The following ASIC2 variants were observed in gnomAD, a reference collection of about 807,000 sequenced individuals.
ASIC2 encodes acid-sensing ion channel 2.
A neutral mutation model predicts 57.3 loss-of-function variants in ASIC2; 25 were observed. That is an observed-to-expected ratio of 0.44 (90% CI 0.32 to 0.61). The LOEUF is 0.61. Ranked by LOEUF, ASIC2 falls within the 20% of genes least tolerant of loss-of-function variation. ASIC2 has a pLI of 0.06. For missense variants in ASIC2, 641 were observed against 738.1 expected, an observed-to-expected ratio of 0.87 and a Z score of 1.52; for synonymous variants, 319 against 307.5, an observed-to-expected ratio of 1.04 and a Z score of -0.39.
chr17:33,484,033 A>C (rs1913499287), intron 1 of ASIC2, among the ~76,000 whole-genome samples: 1 of 152,192 alleles, frequency 6.6e-6, no homozygotes, highest in Admixed American at 6.5e-5. Flanking sequence ...GGCAACGGGG[A>C]GAAGCTGAAA....
chr17:33,483,012 G>A (rs1425013052), intron 1 of ASIC2, among the ~76,000 whole-genome samples: 1 of 152,216 alleles, frequency 6.6e-6, no homozygotes, highest in Non-Finnish European at 1.5e-5. Flanking sequence ...AGATGAATGA[G>A]GCGGAGAGAA....
At chr17:33,584,781 A>G (rs1904561607) in intron 1 of ASIC2, among the ~76,000 whole-genome samples, 1 of 152,070 alleles carries the variant, frequency 6.6e-6, no homozygotes, top group Non-Finnish European at 1.5e-5. Flanking sequence ...GACAGTTCGT[A>G]GGAGAAGGAT....
At chr17:33,960,162 T>C (rs566311345) in intron 1 of ASIC2, among the ~76,000 whole-genome samples, 5 of 152,326 alleles carry the variant, frequency 3.3e-5, no homozygotes, top group African/African-American at 1.2e-4. Flanking sequence ...GAAGTGTCAC[T>C]GTCTTTCTCG....
intron 1 of ASIC2, among the ~76,000 whole-genome samples, chr17:33,596,735 C>A (rs1360247448): frequency 6.6e-6 from 1 of 152,174 alleles, no homozygotes; most frequent in African/African-American, 2.4e-5. Flanking sequence ...TCCTCCATGT[C>A]AATATCAAAT....
intron 1 of ASIC2, among the ~76,000 whole-genome samples, chr17:33,586,807 C>T (rs1229464821): frequency 2.6e-5 from 4 of 152,184 alleles, no homozygotes; most frequent in Non-Finnish European, 4.4e-5. Context: ...CATCATGCTA[C>T]TTACATCCAG....
intron 1 of ASIC2, among the ~76,000 whole-genome samples, chr17:33,123,413 C>T (rs1282273525): frequency 6.6e-6 from 1 of 152,204 alleles, no homozygotes; most frequent in African/African-American, 2.4e-5. Flanking sequence ...AGAAATACCA[C>T]ATGATCTCAC....
chr17:33,513,722 C>G (rs1914489510), intron 1 of ASIC2, among the ~76,000 whole-genome samples: 1 of 152,232 alleles, frequency 6.6e-6, no homozygotes, highest in African/African-American at 2.4e-5. Flanking sequence ...TCCTGCCACT[C>G]AGGCTGTGAC....
At chr17:33,470,845 G>GTGCTCAGCAAAGATACGGTTTGGTCAC (rs1597740454) in intron 1 of ASIC2, among the ~76,000 whole-genome samples, 1 of 150,560 alleles carries the variant, frequency 6.6e-6, no homozygotes, top group Non-Finnish European at 1.5e-5. Context: ...GCTTCCACCT[G>GTGCTCAGCAAAGATACGGTTTGGTCAC]ACTCTACTTC....
intron 1 of ASIC2, among the ~76,000 whole-genome samples, chr17:34,134,840 T>C (rs1912084627): frequency 6.6e-6 from 1 of 152,218 alleles, no homozygotes; most frequent in Admixed American, 6.5e-5. Flanking sequence ...CACTCCTTAC[T>C]CTGAATCCTG....
chr17:33,324,710 T>G (rs528440069), intron 1 of ASIC2, among the ~76,000 whole-genome samples: 1 of 152,142 alleles, frequency 6.6e-6, no homozygotes, highest in African/African-American at 2.4e-5. Flanking sequence ...CTTCTCCCCA[T>G]TAAGAGAGGA....
intron 1 of ASIC2, among the ~76,000 whole-genome samples, chr17:33,249,506 G>C (rs933223056): frequency 6.6e-6 from 1 of 152,194 alleles, no homozygotes; most frequent in African/African-American, 2.4e-5. Context: ...GGAGGTTGGG[G>C]AGAAGAGGAG....
intron 1 of ASIC2, among the ~76,000 whole-genome samples, chr17:33,886,931 G>A (rs1914841823): frequency 6.9e-6 from 1 of 145,246 alleles, no homozygotes; most frequent in Admixed American, 6.8e-5. Context: ...GATACCAAAG[G>A]CAGAAAACAA....
At chr17:33,584,283 A>G (rs1904541565) in intron 1 of ASIC2, among the ~76,000 whole-genome samples, 1 of 152,172 alleles carries the variant, frequency 6.6e-6, no homozygotes, top group Admixed American at 6.5e-5. Context: ...GTTGTCAATG[A>G]TTACAGTTAG....
At chr17:33,215,795 G>T (rs997250540) in intron 1 of ASIC2, among the ~76,000 whole-genome samples, 1 of 152,020 alleles carries the variant, frequency 6.6e-6, no homozygotes, top group Non-Finnish European at 1.5e-5. Flanking sequence ...CGCCCCCCGG[G>T]TTCACGCCAT....
chr17:33,025,081 G>A (rs2091853237), intron 5 of ASIC2, among the ~76,000 whole-genome samples: 1 of 151,998 alleles, frequency 6.6e-6, no homozygotes, highest in African/African-American at 2.4e-5. Context: ...TCTCCTCTCA[G>A]CCTGCCCTCC....
intron 3 of ASIC2, among the ~76,000 whole-genome samples, chr17:33,053,948 C>A (rs948699316): frequency 6.6e-6 from 1 of 152,134 alleles, no homozygotes; most frequent in Non-Finnish European, 1.5e-5. Flanking sequence ...TAATACTTAG[C>A]CATCTAACAC....
chr17:33,298,371 G>T (rs1457066054), intron 1 of ASIC2, among the ~76,000 whole-genome samples: 1 of 152,108 alleles, frequency 6.6e-6, no homozygotes, highest in African/African-American at 2.4e-5. Context: ...GCTTGTGATA[G>T]ATTGCTGAGA....
intron 3 of ASIC2, among the ~76,000 whole-genome samples, chr17:33,032,440 G>GCTTTTTTTTTT (rs2091887617): frequency 1.1e-5 from 1 of 94,118 alleles, no homozygotes; most frequent in Non-Finnish European, 2.0e-5. Context: ...ATAATACACT[G>GCTTTTTTTTTT]TTTTTTTTTT....
intron 1 of ASIC2, among the ~76,000 whole-genome samples, chr17:33,457,677 A>AC (rs1912498839): frequency 6.6e-6 from 1 of 152,142 alleles, no homozygotes; most frequent in Non-Finnish European, 1.5e-5. Flanking sequence ...GGTGGTGGTG[A>AC]CGTCAACACC....
Sources: allele counts gnomAD v4.1 joint callset (sites outside exome capture counted in the v4.1 genomes callset), GRCh38; gene constraint gnomAD v4.1.1; transcripts MANE v1.5; gene names NCBI Gene and HGNC (gene_info 2026-07-23, HGNC 2026-07-21).